Variants in ATP6V1B2 observed in about 807,000 individuals in gnomAD.
ATP6V1B2 encodes V-type proton ATPase subunit B, brain isoform.
Under a neutral mutation model 66.7 loss-of-function variants are expected in ATP6V1B2, and 23 were observed. That is an observed-to-expected ratio of 0.34 (90% CI 0.25 to 0.49). The LOEUF (loss-of-function observed/expected upper bound fraction) is 0.49. Ranked by LOEUF, ATP6V1B2 falls within the 20% of genes least tolerant of loss-of-function variation. The probability of loss-of-function intolerance (pLI) is 0.99; values close to 1 mark genes in which losing one functional copy is unlikely to be tolerated. For missense variants in ATP6V1B2, 478 were observed against 650.8 expected (o/e 0.73, Z 2.89); for synonymous variants, 278 against 236.7 (o/e 1.17, Z -1.60).
Position 20,218,228 on chromosome 8 carries a change from G to T in ATP6V1B2, c.1342G>T (p.Asp448Tyr). The change falls in exon 13 of 14, where the codon GAT becomes TAT. Residue 448 changes from aspartate (D) to tyrosine (Y), a missense_variant. Physicochemically the swap from Asp to Tyr is radical, Grantham distance 160. Coordinates refer to ENST00000276390, the MANE Select transcript of ATP6V1B2 (RefSeq NM_001693.4). Reference sequence around the variant, plus strand: ...TGGAGAAGAAGCCCTTACCTCAGATGATCTTCTCTACTTGGAATTTCTGCA... The same window carrying T: ...TGGAGAAGAAGCCCTTACCTCAGATTATCTTCTCTACTTGGAATTTCTGCA... ...VVGEEALTSD[D>Y]LLYLEFLQKF... The T allele has an allele frequency of 6.2e-7, 1 of 1,613,384 alleles. No homozygotes were observed. The highest frequency in any genetic ancestry group is 1.1e-5 in the South Asian group (1 of 91,046).
intron 5 of ATP6V1B2, among the ~76,000 whole-genome samples, 189 bp from the exon 6 acceptor site, chr8:20,210,988 G>A (rs1221582762): frequency 1.3e-5 from 2 of 152,100 alleles, no homozygotes; most frequent in South Asian, 4.1e-4. Flanking sequence ...GTCTACAAAA[G>A]AGTAAAGGAA....
chr8:20,207,025 G>A (rs1447634309), intron 2 of ATP6V1B2, among the ~76,000 whole-genome samples: 1 of 152,172 alleles, frequency 6.6e-6, no homozygotes, highest in Non-Finnish European at 1.5e-5. Context: ...AGCAAACAAG[G>A]TAGTGGATAC....
intron 11 of ATP6V1B2, 156 bp from the exon 12 acceptor site, chr8:20,217,063 CT>C (rs2072861893): frequency 1.6e-6 from 1 of 628,648 alleles, no homozygotes; most frequent in Non-Finnish European, 2.8e-6. Context: ...ACTACCTTTT[CT>C]TGCCAGGAAG....
In ATP6V1B2 at chr8:20,221,396, C is replaced by T. The variant is rs1045326131; in HGVS notation, c.*994C>T. The T allele has an allele frequency of 6.6e-6, 1 of 152,570 alleles. No homozygotes were observed. The highest frequency in any genetic ancestry group is 1.5e-5 in the Non-Finnish European group (1 of 68,046). The allele number at this position is 152,570 out of a possible 1,614,324, so 9.5% of individuals were successfully genotyped here. On this transcript the variant is annotated 3_prime_UTR_variant, in exon 14 of 14. Coordinates refer to ENST00000276390, the MANE Select transcript of ATP6V1B2 (RefSeq NM_001693.4). ...CCTTTTCAGGGTAATCTTTGTGGCA[C>T]AAACGATAGCATTTCCAAGCTTTAG...
chr8:20,216,629 A>G (rs1424463238), intron 11 of ATP6V1B2, 134 bp downstream of exon 11: 9 of 750,514 alleles, frequency 1.2e-5, no homozygotes, highest in Non-Finnish European at 1.5e-5. Context: ...TGGTTATAAA[A>G]TTGTCATTTC....
rs1585252062 is a variant in ATP6V1B2, at chr8:20,212,919, G to A, written c.927+14G>A. 4 of 1,612,826 alleles carry A rather than the reference G, an allele frequency of 2.5e-6. No homozygotes were observed. The highest frequency in any genetic ancestry group is 3.4e-6 in the Non-Finnish European group (4 of 1,179,384). ...GCACTTCGAGAGGTAAGTTGTTCATGTTTTTCCCTCAGTTAAACAAAATTG... is the reference window on the plus strand; with the variant it reads ...GCACTTCGAGAGGTAAGTTGTTCATATTTTTCCCTCAGTTAAACAAAATTG... On this transcript the variant is annotated intron_variant, in intron 9 of 13. Coordinates refer to ENST00000276390, the MANE Select transcript of ATP6V1B2 (RefSeq NM_001693.4).
At chr8:20,198,904 ATTC>A (rs1483944750) in intron 1 of ATP6V1B2, among the ~76,000 whole-genome samples, 2 of 152,374 alleles carry the variant, frequency 1.3e-5, no homozygotes, top group African/African-American at 4.8e-5. Flanking sequence ...CAGATGTTGC[ATTC>A]TTATGCAAAC....
At chr8:20,214,746 T>G (rs1413501195) in intron 9 of ATP6V1B2, 72 bp from the exon 10 acceptor site, 3 of 1,451,604 alleles carry the variant, frequency 2.1e-6, no homozygotes, top group Non-Finnish European at 2.7e-6. Context: ...TTTGGCATGT[T>G]GAAACAAACA....
At position 20,209,511 on chromosome 8, in the gene ATP6V1B2, G is replaced by C; in HGVS notation, c.271G>C (p.Gly91Arg). ...KRSGQVLEVS[G>R]SKAVVQVFEG... ...AAGTGGGCAAGTTCTGGAAGTTAGT[G>C]GTTCCAAGGCAGTAGTTCAGGTAAG... is the stretch of plus-strand genomic sequence containing the variant. Residue 91 changes from glycine to arginine, a missense_variant, in exon 3 of 14, where the codon GGT (glycine) becomes CGT (arginine). Transcript: ENST00000276390. The C allele has an allele frequency of 1.2e-6, 2 of 1,613,946 alleles. No individual in the cohort carries two copies. The highest frequency in any genetic ancestry group is 1.7e-6 in the Non-Finnish European group (2 of 1,179,932).
chr8:20,204,109 T>C, intron 1 of ATP6V1B2: 1 of 429,628 alleles, frequency 2.3e-6, no homozygotes, highest in South Asian at 1.8e-5. Flanking sequence ...CTGTTTCTGC[T>C]GTGCTCCCAC....
chr8:20,198,328 T>C (rs1388142574), intron 1 of ATP6V1B2, among the ~76,000 whole-genome samples: 1 of 152,222 alleles, frequency 6.6e-6, no homozygotes, highest in African/African-American at 2.4e-5. Context: ...CCAAACTTGG[T>C]TGAGTGCAGG....
chr8:20,204,898 A>G (rs2072722477), intron 2 of ATP6V1B2, among the ~76,000 whole-genome samples: 1 of 152,270 alleles, frequency 6.6e-6, no homozygotes, highest in East Asian at 1.9e-4. Context: ...GAAGTAGAAA[A>G]TACATTGAGA....
intron 6 of ATP6V1B2, 69 bp downstream of exon 6, chr8:20,211,385 G>A: frequency 6.4e-7 from 1 of 1,561,866 alleles, no homozygotes; most frequent in Non-Finnish European, 8.6e-7. Flanking sequence ...CACTGTTACT[G>A]AGAAACCGAA....
intron 12 of ATP6V1B2, among the ~76,000 whole-genome samples, chr8:20,217,673 C>T (rs1034014201): frequency 6.6e-6 from 1 of 152,078 alleles, no homozygotes; most frequent in Non-Finnish European, 1.5e-5. Context: ...CATATTAAGC[C>T]GTCACCAGAA....
At chr8:20,214,258 G>A (rs2128886255) in intron 9 of ATP6V1B2, 1 of 152,454 alleles carries the variant, frequency 6.6e-6, no homozygotes, top group Admixed American at 6.5e-5. Flanking sequence ...TTTGTGCAGT[G>A]CAATGGACTC....
intron 7 of ATP6V1B2, 104 bp from the exon 8 acceptor site, chr8:20,211,998 G>C: frequency 1.8e-6 from 2 of 1,124,188 alleles, no homozygotes; most frequent in East Asian, 2.6e-5. Flanking sequence ...GGGTACTTGA[G>C]GTTTTAAAAG....
At position 20,212,807 on chromosome 8, in the gene ATP6V1B2, C is replaced by G; in HGVS notation, c.829C>G (p.Leu277Val). The part of the protein sequence containing the change: ...PTIERIITPR[L>V]ALTTAEFLAY... ...CATTGAGCGAATTATCACTCCTCGCCTGGCTCTAACCACAGCTGAATTTCT... is the reference window on the plus strand; with the variant it reads ...CATTGAGCGAATTATCACTCCTCGCGTGGCTCTAACCACAGCTGAATTTCT... The change falls in exon 9 of 14, where the codon CTG becomes GTG. Residue 277 changes from leucine to valine, a missense_variant. By Grantham distance (32) the Leu-to-Val change is conservative. This residue lies in a region of ATP6V1B2 where 326 missense variants were observed against 545.6 expected (regional missense o/e 0.60). Transcript: ENST00000276390. 6.2e-7 allele frequency: 1 copy of G among 1,613,744 alleles called. No individual in the cohort carries two copies. The highest frequency in any genetic ancestry group is 1.7e-5 in the Admixed American group (1 of 60,000).
chr8:20,215,879 A>C (rs1390063427), intron 10 of ATP6V1B2: 1 of 152,274 alleles, frequency 6.6e-6, no homozygotes, highest in Non-Finnish European at 1.5e-5. Flanking sequence ...TTGCATGGTG[A>C]AATGTTGTGT....
chr8:20,204,447 A>G, intron 1 of ATP6V1B2, 37 bp from the exon 2 acceptor site: 5 of 1,580,314 alleles, frequency 3.2e-6, no homozygotes, highest in Non-Finnish European at 3.5e-6. Flanking sequence ...CTTTTGTGCT[A>G]TTTGACTAAA....
Sources: allele counts gnomAD v4.1 joint callset (sites outside exome capture counted in the v4.1 genomes callset), GRCh38; gene constraint gnomAD v4.1.1; regional missense constraint gnomAD v4.1.1; transcripts MANE v1.5; gene names NCBI Gene and HGNC (gene_info 2026-07-23, HGNC 2026-07-21).